PKHD1: variants seen among roughly 807,000 people sequenced by gnomAD.
The protein encoded by PKHD1 is fibrocystin.
PKHD1 carries 291 observed loss-of-function variants against 412.0 expected under a neutral mutation model. That is an observed-to-expected ratio of 0.71 (90% CI 0.64 to 0.78). PKHD1 has a LOEUF of 0.78. PKHD1 is among the 30% of genes least tolerant of loss of function. PKHD1 has a pLI of 0.00. For synonymous variants in PKHD1, 1,777 were observed against 1,821.5 expected, an observed-to-expected ratio of 0.98 and a Z score of 0.62; for missense variants, 4,825 against 4,950.7, an observed-to-expected ratio of 0.97 and a Z score of 0.76.
chr6:52,046,401 A>C (rs898604466), intron 23 of PKHD1, among the ~76,000 whole-genome samples: 13 of 152,180 alleles, frequency 8.5e-5, no homozygotes, highest in African/African-American at 2.9e-4. Flanking sequence ...TTTATATTAC[A>C]CTATCTTTCA....
chr6:51,960,682 A>T (rs1419482096), intron 35 of PKHD1, among the ~76,000 whole-genome samples: 1 of 152,174 alleles, frequency 6.6e-6, no homozygotes, highest in African/African-American at 2.4e-5. Flanking sequence ...ATGCAGGCAT[A>T]GGCAGAATGC....
Position 52,024,897 on chromosome 6 carries a change from A to G in PKHD1, c.4913T>C (p.Ile1638Thr). Residue 1638 changes from isoleucine (I) to threonine (T), a missense_variant, in exon 32 of 67, where the codon ATA becomes ACA. Physicochemically the swap from Ile to Thr is moderately conservative, Grantham distance 89. Coordinates refer to ENST00000371117, the MANE Select transcript of PKHD1 (RefSeq NM_138694.4). The part of the protein sequence containing the change: ...PTGNGSVALE[I>T]EVDGLWYHIG... Reference sequence around the variant, plus strand: ...GTGATACCAAAGTCCATCTACCTCTATTTCCAGGGCAACAGAGCCATTCCC... The same window carrying G: ...GTGATACCAAAGTCCATCTACCTCTGTTTCCAGGGCAACAGAGCCATTCCC... The G allele has an allele frequency of 6.2e-7, 1 of 1,614,130 alleles. No individual in the cohort carries two copies.
Position 52,053,170 on chromosome 6 carries a change from T to G in PKHD1, c.2046A>C (p.Pro682=), listed in dbSNP as rs4715271. The change falls in exon 21 of 67, where the codon CCA becomes CCC. Residue 682 remains proline (P), a synonymous_variant. Transcript: ENST00000371117. ...GAAGGTTGATCTGATGAACCAGCACTGGGGAGTTTGCCGGAGGGGGCTGGA... is the reference window on the plus strand; with the variant it reads ...GAAGGTTGATCTGATGAACCAGCACGGGGGAGTTTGCCGGAGGGGGCTGGA... ...GDLQPPPANS[P]VLVHQINLLP... is the part of the protein sequence containing the mutation. 0.097 allele frequency: 157,268 copies of G among 1,614,084 alleles called. 8,321 individuals are homozygous for G. Among genetic ancestry groups the G allele is most frequent in the Middle Eastern group, 0.16 (974 of 6,062 alleles).
chr6:51,716,239 A>G (rs1781241223), intron 60 of PKHD1, among the ~76,000 whole-genome samples: 1 of 152,188 alleles, frequency 6.6e-6, no homozygotes, highest in African/African-American at 2.4e-5. Flanking sequence ...TGTACTAATA[A>G]AAGAGAGATG....
intron 35 of PKHD1, among the ~76,000 whole-genome samples, chr6:51,986,922 T>C (rs1267907429): frequency 6.6e-6 from 1 of 152,216 alleles, no homozygotes; most frequent in East Asian, 1.9e-4. Context: ...GTGCTCAGAC[T>C]ACCTCTGGCA....
chr6:51,715,673 C>T (rs1781170106), intron 60 of PKHD1, among the ~76,000 whole-genome samples: 2 of 152,228 alleles, frequency 1.3e-5, no homozygotes, highest in East Asian at 3.9e-4. Context: ...TTAACAGAGT[C>T]AGTGCCCACC....
rs140752499 is a variant in PKHD1, at chr6:52,025,351, C to G, written c.4459G>C (p.Val1487Leu). The G allele has an allele frequency of 3.4e-5, 55 of 1,613,796 alleles. No homozygotes were observed. Among genetic ancestry groups the G allele is most frequent in the South Asian group, 6.6e-5 (6 of 91,084 alleles). ...TLFIREEASP[V>L]MDALSTNTSG... ...GTGTTTGTGGACAAGGCATCCATGA[C>G]AGGACTTGCCTCTTCCCTTATGAAA... Residue 1487 changes from valine to leucine, a missense_variant, in exon 32 of 67, where the codon GTC becomes CTC. Coordinates refer to ENST00000371117, the MANE Select transcript of PKHD1 (RefSeq NM_138694.4).
At chr6:51,764,128 G>A (rs1788537448) in intron 55 of PKHD1, among the ~76,000 whole-genome samples, 1 of 130,634 alleles carries the variant, frequency 7.7e-6, no homozygotes, top group Admixed American at 8.8e-5. Flanking sequence ...AGTCCCCAGA[G>A]TGTGATATTC....
chr6:52,038,961 G>C (rs888935159), intron 27 of PKHD1, among the ~76,000 whole-genome samples: 1 of 151,966 alleles, frequency 6.6e-6, no homozygotes, highest in Admixed American at 6.6e-5. Flanking sequence ...TCACACAATG[G>C]GAGAAAATAT....
At position 51,906,227 on chromosome 6, in the gene PKHD1, C is replaced by G; in HGVS notation, c.6796G>C (p.Ala2266Pro). ...TTGTTTTACTTACCAACTAGCAGCG[C>G]ATGACCTAAAATATTGTAGAATACA... is the stretch of plus-strand genomic sequence containing the variant. Reference protein sequence around the residue: ...SNVFYNILGHALLVGTCTEMR... With the variant: ...SNVFYNILGHPLLVGTCTEMR... Residue 2266 changes from alanine (A) to proline (P), a missense_variant, in exon 41 of 67, where the codon GCG (alanine) becomes CCG (proline). Transcript: ENST00000371117. 1 of 1,612,150 alleles carries G rather than the reference C, an allele frequency of 6.2e-7. No homozygotes were observed. The highest frequency in any genetic ancestry group is 8.5e-7 in the Non-Finnish European group (1 of 1,178,458).
At chr6:51,905,483 A>G (rs1781938152) in intron 41 of PKHD1, among the ~76,000 whole-genome samples, 1 of 152,190 alleles carries the variant, frequency 6.6e-6, no homozygotes, top group East Asian at 1.9e-4. Context: ...ACAGAGCCAG[A>G]GAGCTTGTGC....
intron 60 of PKHD1, chr6:51,721,954 T>C: frequency 6.2e-7 from 1 of 1,613,420 alleles, no homozygotes; most frequent in Non-Finnish European, 8.5e-7. Flanking sequence ...CTCATTAATC[T>C]TTCAAAGTTC....
At chr6:51,663,423 T>C (rs1773186669) in intron 60 of PKHD1, among the ~76,000 whole-genome samples, 1 of 152,126 alleles carries the variant, frequency 6.6e-6, no homozygotes, top group African/African-American at 2.4e-5. Context: ...TCACTTCCTT[T>C]GTTGATGATT....
In PKHD1 at chr6:52,069,472, A is replaced by G. The variant is rs1302691627; in HGVS notation, c.763T>C (p.Tyr255His). Reference protein sequence around the residue: ...LISAKQDLFLYQTHSEILSVF... With the variant: ...LISAKQDLFLHQTHSEILSVF... ...GGGATAGTACCTGAGTGTGTCTGGT[A>G]TAGGAAAAGATCCTGTTTAGCACTG... Residue 255 changes from tyrosine (Y) to histidine (H), a missense_variant, in exon 11 of 67, where the codon TAC (tyrosine) becomes CAC (histidine). Coordinates refer to ENST00000371117, the MANE Select transcript of PKHD1 (RefSeq NM_138694.4). 1.2e-6 allele frequency: 2 copies of G among 1,612,314 alleles called. No homozygotes were observed. The highest frequency in any genetic ancestry group is 1.1e-5 in the South Asian group (1 of 91,038).
At chr6:51,919,719 C>T (rs925589654) in intron 37 of PKHD1, among the ~76,000 whole-genome samples, 2 of 152,148 alleles carry the variant, frequency 1.3e-5, no homozygotes, top group Admixed American at 1.3e-4. Flanking sequence ...TTACCTTGGG[C>T]AGTATGGCCA....
intron 23 of PKHD1, among the ~76,000 whole-genome samples, chr6:52,047,124 T>C (rs572616141): frequency 6.6e-6 from 1 of 152,342 alleles, no homozygotes; most frequent in East Asian, 1.9e-4. Context: ...CCAGTTGTTT[T>C]GCAGGCGGTG....
intron 25 of PKHD1, 88 bp from the exon 26 acceptor site, chr6:52,043,818 G>T: frequency 1.2e-6 from 1 of 861,512 alleles, no homozygotes; most frequent in South Asian, 1.4e-5. Flanking sequence ...CTCCCAAGCT[G>T]ACACGTGTTC....
chr6:51,842,300 C>A lies in PKHD1; in HGVS notation c.8107+5475G>T, dbSNP rs148636093. Among the ~76,000 whole-genome samples the A allele has an allele frequency of 5.3e-4, 80 of 152,268 alleles. No homozygotes were observed. In the Middle Eastern group the frequency reaches 0.014, roughly 26 times the overall value. On this transcript the variant is annotated intron_variant, in intron 50 of 66. Transcript: ENST00000371117. ...CTCGGGAGGGCAACTGTGAATGGCA[C>A]AGCATCTGATATGAATTTATCACCG...
chr6:51,702,442 G>A (rs978502634), intron 60 of PKHD1, among the ~76,000 whole-genome samples: 2 of 151,590 alleles, frequency 1.3e-5, no homozygotes, highest in Non-Finnish European at 2.9e-5. Flanking sequence ...AAAGATAGGA[G>A]GCAGGTGAAA....
Sources: gnomAD v4.1 joint callset for allele counts (sites outside exome capture counted in the v4.1 genomes callset) on GRCh38, gnomAD v4.1.1 for gene constraint, MANE v1.5 for transcripts, NCBI Gene and HGNC (gene_info 2026-07-23, HGNC 2026-07-21) for gene names.